ANXA3: variants seen among roughly 807,000 people sequenced by gnomAD.
ANXA3 encodes the protein 35-alpha calcimedin.
In ANXA3, 46 loss-of-function variants were observed where a neutral mutation model predicts 48.8. The ratio of observed to expected loss-of-function variants is 0.94; its 90% CI spans 0.74 to 1.21. The LOEUF (loss-of-function observed/expected upper bound fraction) is 1.21. ANXA3 is among the 50% of genes most tolerant of loss of function. The pLI, the probability that ANXA3 is intolerant of heterozygous loss-of-function variation, is 0.00. For missense variants in ANXA3, 383 were observed against 378.6 expected (o/e 1.01, Z -0.10); for synonymous variants, 128 against 134.7 (o/e 0.95, Z 0.35).
intron 2 of ANXA3, among the ~76,000 whole-genome samples, chr4:78,562,174 G>A (rs757534408): frequency 6.6e-6 from 1 of 152,114 alleles, no homozygotes; most frequent in Non-Finnish European, 1.5e-5. Flanking sequence ...AAGTGGAGAA[G>A]GTATGATTTG....
In ANXA3 at chr4:78,554,569, A is replaced by ATT; in HGVS notation, c.15+84_15+85dup. ...ACAGAAGGTCAAGATAGCAAGGAAA[A>ATT]TTTTAGGAAAGTTTTTAAGTTTATC... On this transcript the variant is annotated intron_variant, in intron 2 of 12. Coordinates refer to ENST00000264908, the MANE Select transcript of ANXA3 (RefSeq NM_005139.3). 6 of 1,327,192 alleles carry ATT rather than the reference A, an allele frequency of 4.5e-6. No individual in the cohort carries two copies. The South Asian group carries it at 7.3e-5, about 16-fold the overall frequency. 82.2% of individuals were successfully genotyped at this position (1,327,192 alleles called of 1,614,324 possible). A position where few individuals can be genotyped will look rare whatever the true frequency, so the allele number is the denominator to read the frequency against.
chr4:78,607,732 G>T (rs183808796), intron 12 of ANXA3, among the ~76,000 whole-genome samples: 35 of 152,240 alleles, frequency 2.3e-4, no homozygotes, highest in Non-Finnish European at 4.4e-5. Flanking sequence ...CTAGATTGTT[G>T]AATATAGAGC....
intron 4 of ANXA3, among the ~76,000 whole-genome samples, chr4:78,579,863 G>A (rs1723037343): frequency 6.6e-6 from 1 of 152,168 alleles, no homozygotes; most frequent in Admixed American, 6.5e-5. Flanking sequence ...TTGAACCCGG[G>A]AGGCGGAGTC....
At chr4:78,595,302 A>T (rs945170638) in intron 7 of ANXA3, 79 bp from the exon 8 acceptor site, 2 of 1,478,958 alleles carry the variant, frequency 1.4e-6, no homozygotes, top group Non-Finnish European at 1.9e-6. Flanking sequence ...AACCACTAAG[A>T]TCCCCTGCTG....
intron 9 of ANXA3, 145 bp downstream of exon 9, chr4:78,596,032 G>T: frequency 1.6e-6 from 1 of 606,114 alleles, no homozygotes. Flanking sequence ...AAATGGGAAA[G>T]CTGTATTGTA....
chr4:78,592,322 C>T (rs567106211), intron 7 of ANXA3, among the ~76,000 whole-genome samples: 53 of 152,286 alleles, frequency 3.5e-4, no homozygotes, highest in Non-Finnish European at 6.6e-4. Flanking sequence ...ATTTACATAG[C>T]ACCTAAATGT....
intron 2 of ANXA3, among the ~76,000 whole-genome samples, chr4:78,560,931 G>T (rs1722614641): frequency 6.6e-6 from 1 of 151,942 alleles, no homozygotes; most frequent in Non-Finnish European, 1.5e-5. Context: ...TTTTATTTTT[G>T]ACTAACATTA....
At chr4:78,559,813 C>T (rs143139517) in intron 2 of ANXA3, among the ~76,000 whole-genome samples, 67 of 152,296 alleles carry the variant, frequency 4.4e-4, no homozygotes, top group African/African-American at 1.4e-3. Flanking sequence ...ATCTCATCTA[C>T]GGTTTGTAAG....
chr4:78,591,392 C>T (rs1723292423), intron 6 of ANXA3, 152 bp from the exon 7 acceptor site: 1 of 584,820 alleles, frequency 1.7e-6, no homozygotes, highest in Non-Finnish European at 3.1e-6. Flanking sequence ...TACCATCTCA[C>T]AACAGAAAAG....
At chr4:78,597,524 C>G (rs1026257042) in intron 10 of ANXA3, 110 bp downstream of exon 10, 3 of 667,630 alleles carry the variant, frequency 4.5e-6, no homozygotes, top group Non-Finnish European at 2.6e-6. Context: ...TTTTTGCTCC[C>G]TACAGCCCCC....
intron 7 of ANXA3, among the ~76,000 whole-genome samples, chr4:78,592,492 C>G (rs564102663): frequency 2.0e-5 from 3 of 152,270 alleles, no homozygotes; most frequent in Non-Finnish European, 4.4e-5. Flanking sequence ...ATTTATGAAG[C>G]ATTGCTGCAA....
At chr4:78,602,724 A>C (rs915272091) in intron 11 of ANXA3, 8 of 152,344 alleles carry the variant, frequency 5.3e-5, no homozygotes, top group Non-Finnish European at 1.2e-4. Flanking sequence ...GTACCTTCAA[A>C]GTCATATCCT....
chr4:78,554,747 G>A (rs1218757830), intron 2 of ANXA3, among the ~76,000 whole-genome samples: 1 of 152,162 alleles, frequency 6.6e-6, no homozygotes, highest in Non-Finnish European at 1.5e-5. Flanking sequence ...TATAATTTGG[G>A]AATTTATTAT....
intron 12 of ANXA3, among the ~76,000 whole-genome samples, chr4:78,608,763 G>T (rs1723701041): frequency 6.6e-6 from 1 of 152,102 alleles, no homozygotes; most frequent in South Asian, 2.1e-4. Flanking sequence ...GGGAGTGGGG[G>T]GAGGTTTATG....
intron 11 of ANXA3, chr4:78,602,951 A>G (rs1180713877): frequency 6.6e-6 from 1 of 152,272 alleles, no homozygotes; most frequent in Non-Finnish European, 1.5e-5. Flanking sequence ...CTTTGCATCC[A>G]TTCCTTCTCT....
At chr4:78,563,111 C>T (rs1327915847) in intron 2 of ANXA3, among the ~76,000 whole-genome samples, 2 of 152,086 alleles carry the variant, frequency 1.3e-5, no homozygotes, top group African/African-American at 4.8e-5. Context: ...CATTAGGAAG[C>T]ATTCTTAAAT....
chr4:78,596,672 G>T (rs1723429855), intron 9 of ANXA3, among the ~76,000 whole-genome samples: 1 of 152,144 alleles, frequency 6.6e-6, no homozygotes, highest in Non-Finnish European at 1.5e-5. Flanking sequence ...TGTGATAGTT[G>T]CTTTATTCAT....
At chr4:78,552,331 A>G (rs1467664618) in intron 1 of ANXA3, 1 of 152,218 alleles carries the variant, frequency 6.6e-6, no homozygotes, top group East Asian at 1.9e-4. Context: ...GTGGACTTGG[A>G]ATCGCACCCA....
At chr4:78,589,012 C>T (rs1315701331) in intron 6 of ANXA3, among the ~76,000 whole-genome samples, 1 of 152,172 alleles carries the variant, frequency 6.6e-6, no homozygotes, top group Non-Finnish European at 1.5e-5. Flanking sequence ...CCACTGCTCC[C>T]CAAGTGGACC....
Sources: allele counts gnomAD v4.1 joint callset (sites outside exome capture counted in the v4.1 genomes callset), GRCh38; gene constraint gnomAD v4.1.1; transcripts MANE v1.5; gene names NCBI Gene and HGNC (gene_info 2026-07-23, HGNC 2026-07-21).